Variants in PPARD observed in about 807,000 individuals in gnomAD.
PPARD encodes the protein peroxisome proliferator-activated receptor delta.
Under a neutral mutation model 39.5 loss-of-function variants are expected in PPARD, and 6 were observed. The observed-to-expected ratio is 0.15, with a 90% CI of 0.08 to 0.30. PPARD has a LOEUF of 0.30. Among genes scored for constraint, PPARD ranks in the 10% least tolerant of loss-of-function variants. PPARD has a pLI of 1.00. For synonymous variants in PPARD, 210 were observed against 231.3 expected, an observed-to-expected ratio of 0.91 and a Z score of 0.83; for missense variants, 397 against 596.8, an observed-to-expected ratio of 0.67 and a Z score of 3.49.
In PPARD at chr6:35,372,316, T is replaced by G. The variant is rs374002832; in HGVS notation, c.-102+25166T>G. Among the ~76,000 whole-genome samples, 6 of 152,350 alleles carry G rather than the reference T, an allele frequency of 3.9e-5. No homozygotes were observed. The East Asian group carries it at 7.7e-4, about 20-fold the overall frequency. On this transcript the variant is annotated intron_variant, in intron 2 of 7. Coordinates refer to ENST00000360694, the MANE Select transcript of PPARD (RefSeq NM_006238.5). The stretch of plus-strand genomic sequence containing the variant: ...CTTCAGCCTCCCGAGTAGCTGGGTT[T>G]ACAGGCTCCCGCCACCATGCCCGGC...
intron 3 of PPARD, among the ~76,000 whole-genome samples, chr6:35,413,202 A>G (rs1464821763): frequency 6.6e-6 from 1 of 152,190 alleles, no homozygotes; most frequent in East Asian, 1.9e-4. Context: ...GCCTGGGAGC[A>G]GGGGTAGGGT....
intron 2 of PPARD, among the ~76,000 whole-genome samples, chr6:35,352,996 A>T (rs1344275439): frequency 2.0e-5 from 3 of 152,172 alleles, no homozygotes; most frequent in African/African-American, 7.2e-5. Flanking sequence ...TTCACTGAGG[A>T]GAGAAACAGG....
rs6457815 is a variant in PPARD at position 35,363,121 on chromosome 6, T to C, written c.-102+15971T>C. On this transcript the variant is annotated intron_variant, in intron 2 of 7. Coordinates refer to ENST00000360694, the MANE Select transcript of PPARD (RefSeq NM_006238.5). This position sits in a 1 kb window ranked among gnomAD's most constrained non-coding sequence, Gnocchi z 4.5. Reference sequence around the variant, plus strand: ...GGAGAAAATTGAAGATGGGGTATTTTGTGGGGAACAAGCTATGCCTTCCTG... The same window carrying C: ...GGAGAAAATTGAAGATGGGGTATTTCGTGGGGAACAAGCTATGCCTTCCTG... Among the ~76,000 whole-genome samples the C allele has an allele frequency of 0.16, 24,694 of 152,168 alleles. 4,592 individuals carry two copies. The highest frequency in any genetic ancestry group is 0.45 in the African/African-American group (18,715 of 41,454).
intron 2 of PPARD, among the ~76,000 whole-genome samples, chr6:35,384,070 CCG>C (rs1763374994): frequency 6.8e-6 from 1 of 147,606 alleles, no homozygotes; most frequent in Admixed American, 6.7e-5. Flanking sequence ...GCCAGCCGCC[CCG>C]TCCGGGAGGG....
intron 2 of PPARD, among the ~76,000 whole-genome samples, chr6:35,367,657 C>T (rs1220632252): frequency 6.6e-6 from 1 of 152,212 alleles, no homozygotes; most frequent in Non-Finnish European, 1.5e-5. Context: ...CTTGGTTCTG[C>T]CCCACATGAT....
intron 1 of PPARD, among the ~76,000 whole-genome samples, chr6:35,344,055 C>T (rs936404379): frequency 3.9e-5 from 6 of 152,230 alleles, no homozygotes; most frequent in Non-Finnish European, 1.5e-5. Context: ...GGCATCTGTC[C>T]CCTTTTATTA....
intron 2 of PPARD, among the ~76,000 whole-genome samples, chr6:35,402,680 C>T (rs1453086997): frequency 6.6e-6 from 1 of 152,164 alleles, no homozygotes; most frequent in African/African-American, 2.4e-5. Context: ...CCTCAGGTGA[C>T]TCTCTGGGCT....
intron 3 of PPARD, among the ~76,000 whole-genome samples, chr6:35,419,439 C>T (rs1398721374): frequency 6.6e-6 from 1 of 152,228 alleles, no homozygotes; most frequent in African/African-American, 2.4e-5. Flanking sequence ...CCAACACACT[C>T]AACACCCCGT....
chr6:35,416,374 CAAAAAAAAAAAAAAAAA>C (rs1170617869), intron 3 of PPARD, among the ~76,000 whole-genome samples: 14 of 52,614 alleles, frequency 2.7e-4, no homozygotes, highest in East Asian at 2.5e-3. Context: ...GACTTCATCT[CAAAAAAAAAAAAAAAAA>C]AAAAAAAAAA....
At chr6:35,386,477 C>T (rs1325321205) in intron 2 of PPARD, among the ~76,000 whole-genome samples, 4 of 151,470 alleles carry the variant, frequency 2.6e-5, no homozygotes, top group South Asian at 2.1e-4. Context: ...GGTGACAGAG[C>T]GAGACCCCAT....
intron 2 of PPARD, among the ~76,000 whole-genome samples, chr6:35,387,054 A>T (rs112754776): frequency 0.047 from 7,181 of 151,998 alleles, 394 homozygotes; most frequent in African/African-American, 0.13. Context: ...GGGTCACACA[A>T]CAGGGTCGGC....
intron 2 of PPARD, among the ~76,000 whole-genome samples, chr6:35,371,827 C>CT (rs772678901): frequency 6.6e-6 from 1 of 152,222 alleles, no homozygotes; most frequent in Non-Finnish European, 1.5e-5. Context: ...TGGGCCTGGC[C>CT]TTGTTGGTCT....
chr6:35,361,618 G>A (rs1582299822), intron 2 of PPARD, among the ~76,000 whole-genome samples: 1 of 152,228 alleles, frequency 6.6e-6, no homozygotes, highest in African/African-American at 2.4e-5. Context: ...GCCCCACAGG[G>A]TACTTCCCAG....
chr6:35,423,622 G>A (rs922077377), intron 5 of PPARD, among the ~76,000 whole-genome samples: 34 of 152,108 alleles, frequency 2.2e-4, no homozygotes, highest in African/African-American at 7.2e-4. Context: ...CTCAAGCCCA[G>A]GCCTTTGTCA....
At chr6:35,393,503 C>T (rs186557325) in intron 2 of PPARD, among the ~76,000 whole-genome samples, 4 of 152,254 alleles carry the variant, frequency 2.6e-5, no homozygotes, top group African/African-American at 9.6e-5. Flanking sequence ...CTGGCATTTC[C>T]CTATCTTATC....
chr6:35,345,313 T>C (rs1352664446), intron 1 of PPARD, among the ~76,000 whole-genome samples: 1 of 152,136 alleles, frequency 6.6e-6, no homozygotes, highest in African/African-American at 2.4e-5. Flanking sequence ...TGACACAAGG[T>C]TTTGTTCTAT....
chr6:35,371,478 T>A (rs1762479980), intron 2 of PPARD, among the ~76,000 whole-genome samples: 1 of 152,144 alleles, frequency 6.6e-6, no homozygotes, highest in East Asian at 1.9e-4. Flanking sequence ...CCTGCTGGAG[T>A]GTGCAGCCTT....
intron 3 of PPARD, among the ~76,000 whole-genome samples, chr6:35,413,327 G>T (rs1765551513): frequency 6.6e-6 from 1 of 152,204 alleles, no homozygotes; most frequent in African/African-American, 2.4e-5. Flanking sequence ...GTAGGCGGTG[G>T]TGTTTAATAG....
chr6:35,375,086 AAATCTGAC>A (rs2150559105), intron 2 of PPARD, among the ~76,000 whole-genome samples: 1 of 152,292 alleles, frequency 6.6e-6, no homozygotes, highest in African/African-American at 2.4e-5. Context: ...GATTTAAATC[AAATCTGAC>A]AATCTGTCTT....
Sources: allele counts gnomAD v4.1 joint callset (sites outside exome capture counted in the v4.1 genomes callset), GRCh38; gene constraint gnomAD v4.1.1; non-coding constraint Gnocchi (gnomAD v3.1); transcripts MANE v1.5; gene names NCBI Gene and HGNC (gene_info 2026-07-23, HGNC 2026-07-21).